The following HOOK3 variants were observed in gnomAD, a reference collection of about 807,000 sequenced individuals.
The protein encoded by HOOK3 is protein Hook homolog 3.
In HOOK3, 24 loss-of-function variants were observed where a neutral mutation model predicts 116.3. The ratio of observed to expected loss-of-function variants is 0.21; its 90% CI spans 0.15 to 0.29. The LOEUF (loss-of-function observed/expected upper bound fraction) is 0.29, where lower values mean the gene tolerates loss of function less well. Ranked by LOEUF, HOOK3 falls within the 10% of genes least tolerant of loss-of-function variation. The pLI is 1.00. For synonymous variants in HOOK3, 275 were observed against 283.0 expected (o/e 0.97, Z 0.28); for missense variants, 632 against 830.2 (o/e 0.76, Z 2.93).
intron 15 of HOOK3, among the ~76,000 whole-genome samples, chr8:42,987,309 T>A (rs1485805248): frequency 2.0e-5 from 3 of 152,256 alleles, no homozygotes; most frequent in Non-Finnish European, 4.4e-5. Context: ...TGGGCCTTTT[T>A]AGAATGGTGT....
intron 18 of HOOK3, among the ~76,000 whole-genome samples, chr8:43,009,995 ATAT>A (rs1221967531): frequency 2.6e-5 from 4 of 151,824 alleles, no homozygotes; most frequent in African/African-American, 9.7e-5. Flanking sequence ...AGGCTGAATA[ATAT>A]TATATCTATG....
At chr8:43,017,152 T>A (rs1809733477) in intron 21 of HOOK3, among the ~76,000 whole-genome samples, 1 of 152,272 alleles carries the variant, frequency 6.6e-6, no homozygotes, top group Admixed American at 6.5e-5. Flanking sequence ...GCTCTCCTTT[T>A]GCCTCTTGAT....
At chr8:42,963,505 C>A (rs1808575035) in intron 8 of HOOK3, among the ~76,000 whole-genome samples, 1 of 152,182 alleles carries the variant, frequency 6.6e-6, no homozygotes, top group East Asian at 1.9e-4. Flanking sequence ...TGGGCGTATG[C>A]TTTTATTTCT....
intron 14 of HOOK3, among the ~76,000 whole-genome samples, chr8:42,985,561 ATTTTC>A (rs1462872286): frequency 6.6e-6 from 1 of 151,934 alleles, no homozygotes; most frequent in African/African-American, 2.4e-5. Context: ...GAGGGTTTAT[ATTTTC>A]TTTTCATTTG....
In HOOK3 at chr8:42,968,015, ATTC is replaced by A; in HGVS notation, c.928_930del (p.Ser310del). The A allele has an allele frequency of 6.6e-7, 1 of 1,509,316 alleles. No homozygotes were observed. Among genetic ancestry groups the A allele is most frequent in the Non-Finnish European group, 9.2e-7 (1 of 1,087,050 alleles). The allele number at this position is 1,509,316 out of a possible 1,614,324, so 93.5% of individuals were successfully genotyped here. A position where few individuals can be genotyped will look rare whatever the true frequency, so the allele number is the denominator to read the frequency against. ...TTTAATTTCCCATCTAATTCTAGACATTCTTCTGATAAAGTATCTAAACTAGAA... is the reference window on the plus strand; with the variant it reads ...TTTAATTTCCCATCTAATTCTAGACATTCTGATAAAGTATCTAAACTAGAA... On this transcript the variant is annotated inframe_deletion, in exon 11 of 22. Transcript: ENST00000307602.
In HOOK3 at chr8:42,959,240, A is replaced by G; in HGVS notation, c.541A>G (p.Thr181Ala). The change falls in exon 8 of 22, where the codon ACT (threonine) becomes GCT (alanine). Residue 181 changes from threonine to alanine, a missense_variant. Physicochemically the swap from Thr to Ala is moderately conservative, Grantham distance 58 (BLOSUM62 0). Around this residue, in one of 3 missense-constraint regions of HOOK3, gnomAD observed 483 missense variants for 648.1 expected, o/e 0.75. Transcript: ENST00000307602. ...YVDLDRQLKK[T>A]TEELNEALSA... The stretch of plus-strand genomic sequence containing the variant: ...CTTTGTTTCTAACCAGCTGAAGAAA[A>G]CTACAGAGGAACTAAATGAAGCTTT... 1 of 1,611,494 alleles carries G rather than the reference A, an allele frequency of 6.2e-7. No homozygotes were observed. The highest frequency in any genetic ancestry group is 8.5e-7 in the Non-Finnish European group (1 of 1,178,238).
intron 7 of HOOK3, among the ~76,000 whole-genome samples, chr8:42,957,458 G>A (rs976823627): frequency 6.6e-6 from 1 of 151,894 alleles, no homozygotes; most frequent in African/African-American, 2.4e-5. Context: ...TTATTTTTCT[G>A]TTAGTGATAT....
chr8:42,994,311 C>T (rs1586626273), intron 15 of HOOK3: 1 of 246,460 alleles, frequency 4.1e-6, no homozygotes, highest in Non-Finnish European at 8.2e-6. Context: ...CCACCACACC[C>T]AGCCTGCTCT....
At chr8:42,901,612 A>C (rs748956319) in intron 1 of HOOK3, among the ~76,000 whole-genome samples, 2 of 152,204 alleles carry the variant, frequency 1.3e-5, no homozygotes, top group African/African-American at 4.8e-5. Flanking sequence ...ATGAGCAACT[A>C]TGTACCTCAA....
intron 3 of HOOK3, among the ~76,000 whole-genome samples, chr8:42,929,007 A>C (rs1807822455): frequency 6.6e-6 from 1 of 152,158 alleles, no homozygotes; most frequent in Non-Finnish European, 1.5e-5. Flanking sequence ...GCGCCATTGC[A>C]CTCCAGCCTG....
At chr8:42,953,220 G>A (rs1808373285) in intron 6 of HOOK3, among the ~76,000 whole-genome samples, 1 of 145,512 alleles carries the variant, frequency 6.9e-6, no homozygotes, top group Non-Finnish European at 1.5e-5. Context: ...CCTTAGTGTA[G>A]TTGATCCTGT....
intron 18 of HOOK3, among the ~76,000 whole-genome samples, chr8:43,009,298 C>T (rs538761796): frequency 2.7e-5 from 4 of 150,426 alleles, no homozygotes; most frequent in East Asian, 2.0e-4. Flanking sequence ...CCCAGCTACT[C>T]GGGAGGCTGA....
intron 4 of HOOK3, among the ~76,000 whole-genome samples, chr8:42,935,148 G>A (rs886138755): frequency 2.0e-5 from 3 of 152,060 alleles, no homozygotes; most frequent in Admixed American, 6.5e-5. Context: ...ACCAATGATG[G>A]TGAGCTTTTT....
In HOOK3 at chr8:43,014,380, C is replaced by T. The variant is rs181234856; in HGVS notation, c.2016+980C>T. On this transcript the variant is annotated intron_variant, in intron 21 of 21. Transcript: ENST00000307602. ...TATTTATTTATTTTTGAGATAGAGTCTCGCTGTGTATCCTAGGCTGGAGTG... is the reference window on the plus strand; with the variant it reads ...TATTTATTTATTTTTGAGATAGAGTTTCGCTGTGTATCCTAGGCTGGAGTG... Among the ~76,000 whole-genome samples, 122 of 150,998 alleles carry T rather than the reference C, an allele frequency of 8.1e-4. 1 individual carries two copies. The South Asian group carries it at 0.011, about 14-fold the overall frequency.
chr8:42,957,362 G>A (rs957843347), intron 7 of HOOK3, among the ~76,000 whole-genome samples: 4 of 152,060 alleles, frequency 2.6e-5, no homozygotes, highest in Admixed American at 1.3e-4. Context: ...AAATGCATTT[G>A]CAATTAAAAT....
At chr8:43,003,597 T>G (rs548012510) in intron 17 of HOOK3, among the ~76,000 whole-genome samples, 1 of 152,234 alleles carries the variant, frequency 6.6e-6, no homozygotes, top group East Asian at 1.9e-4. Context: ...TTAGTTCTTA[T>G]AGCTACCATG....
At chr8:42,912,924 CG>C (rs922468200) in intron 2 of HOOK3, among the ~76,000 whole-genome samples, 2 of 152,194 alleles carry the variant, frequency 1.3e-5, no homozygotes, top group Non-Finnish European at 2.9e-5. Context: ...TCTCCAAACC[CG>C]GGAAACCCTA....
At chr8:42,930,872 A>G (rs1400477274) in intron 4 of HOOK3, among the ~76,000 whole-genome samples, 1 of 152,082 alleles carries the variant, frequency 6.6e-6, no homozygotes. Context: ...ATCTTTCTCC[A>G]TCTGTGCGGC....
rs779657271 is a variant in HOOK3 at position 42,897,118 on chromosome 8, C to T, written c.-14C>T. ...TGGCCAGGCGGTAGGCGCTGCCTGG[C>T]CGCGGCGGGGAAGATGTTCAGCGTA... On this transcript the variant is annotated 5_prime_UTR_variant, in exon 1 of 22. Coordinates refer to ENST00000307602, the MANE Select transcript of HOOK3 (RefSeq NM_032410.4). 9 of 1,243,362 alleles carry T rather than the reference C, an allele frequency of 7.2e-6. No individual in the cohort carries two copies. Among genetic ancestry groups the T allele is most frequent in the Non-Finnish European group, 9.1e-6 (9 of 988,974 alleles). The allele number at this position is 1,243,362 out of a possible 1,614,324, so 77.0% of individuals were successfully genotyped here. A position where few individuals can be genotyped will look rare whatever the true frequency, so the allele number is the denominator to read the frequency against.
Sources: gnomAD v4.1 joint callset for allele counts (sites outside exome capture counted in the v4.1 genomes callset) on GRCh38, gnomAD v4.1.1 for gene constraint, gnomAD v4.1.1 regional missense constraint, MANE v1.5 for transcripts, NCBI Gene and HGNC (gene_info 2026-07-23, HGNC 2026-07-21) for gene names.